Variants in B3GALT1 observed in about 807,000 individuals in gnomAD.
B3GALT1 encodes UDP-Gal:betaGlcNAc beta 1,3-galactosyltransferase, polypeptide 1.
B3GALT1 carries 10 observed loss-of-function variants against 23.2 expected under a neutral mutation model. The observed-to-expected ratio is 0.43, with a 90% CI of 0.27 to 0.73. The LOEUF (loss-of-function observed/expected upper bound fraction) is 0.73, where lower values mean the gene tolerates loss of function less well. B3GALT1 is among the 30% of genes least tolerant of loss of function. The pLI is 0.21. For missense variants in B3GALT1, 299 were observed against 405.4 expected (o/e 0.74, Z 2.25); for synonymous variants, 156 against 141.5 (o/e 1.10, Z -0.73).
At chr2:167,744,347 T>G (rs1278913825) in intron 3 of B3GALT1, among the ~76,000 whole-genome samples, 2 of 152,178 alleles carry the variant, frequency 1.3e-5, no homozygotes, top group Non-Finnish European at 2.9e-5. Flanking sequence ...CTATTTGTAG[T>G]GCTAGCAATT....
chr2:167,297,279 A>C (rs1696365893), intron 1 of B3GALT1, among the ~76,000 whole-genome samples: 1 of 152,100 alleles, frequency 6.6e-6, no homozygotes, highest in South Asian at 2.1e-4. Context: ...CTTCATTCAA[A>C]AGGGATGAGT....
At chr2:167,414,929 A>G (rs55637599) in intron 1 of B3GALT1, among the ~76,000 whole-genome samples, 5 of 152,332 alleles carry the variant, frequency 3.3e-5, no homozygotes, top group African/African-American at 7.2e-5. Flanking sequence ...ATATTTTTCA[A>G]ACTTAATGTA....
At chr2:167,344,290 A>G (rs2105250230) in intron 1 of B3GALT1, among the ~76,000 whole-genome samples, 1 of 152,256 alleles carries the variant, frequency 6.6e-6, no homozygotes, top group East Asian at 1.9e-4. Context: ...ACTCACCTTC[A>G]CTTCCAAAAG....
chr2:167,678,603 G>C (rs148525506), intron 3 of B3GALT1, among the ~76,000 whole-genome samples: 2 of 151,844 alleles, frequency 1.3e-5, no homozygotes, highest in East Asian at 3.9e-4. Flanking sequence ...TTTTTTCATG[G>C]GCTCAGTCCA....
At chr2:167,342,865 T>G (rs1022681857) in intron 1 of B3GALT1, among the ~76,000 whole-genome samples, 1 of 152,196 alleles carries the variant, frequency 6.6e-6, no homozygotes, top group African/African-American at 2.4e-5. Context: ...TTTACTGATA[T>G]CTTTTATTCT....
At chr2:167,648,463 C>T (rs995874479) in intron 3 of B3GALT1, among the ~76,000 whole-genome samples, 2 of 152,066 alleles carry the variant, frequency 1.3e-5, no homozygotes, top group Non-Finnish European at 2.9e-5. Flanking sequence ...CTACTCATCC[C>T]ATCTCTGTCC....
At chr2:167,556,440 A>G (rs539267684) in intron 2 of B3GALT1, among the ~76,000 whole-genome samples, 38 of 152,262 alleles carry the variant, frequency 2.5e-4, no homozygotes, top group African/African-American at 8.7e-4. Flanking sequence ...ATTGGCAAGC[A>G]TGCAAGCTAA....
intron 4 of B3GALT1, among the ~76,000 whole-genome samples, chr2:167,845,334 A>T (rs1041797477): frequency 2.0e-5 from 3 of 152,198 alleles, no homozygotes; most frequent in African/African-American, 7.2e-5. Flanking sequence ...ACCGTCACAG[A>T]GTCCATTGCA....
intron 3 of B3GALT1, among the ~76,000 whole-genome samples, chr2:167,767,997 T>C (rs972926229): frequency 1.3e-5 from 2 of 151,960 alleles, no homozygotes; most frequent in Non-Finnish European, 2.9e-5. Flanking sequence ...AGGAGATTGA[T>C]GTCCCAGCTC....
chr2:167,491,363 G>GTAC (rs2105342266), intron 2 of B3GALT1, among the ~76,000 whole-genome samples: 1 of 152,224 alleles, frequency 6.6e-6, no homozygotes, highest in African/African-American at 2.4e-5. Flanking sequence ...GCGAAACCAG[G>GTAC]GGTATCACCA....
At chr2:167,399,211 A>G (rs1698147480) in intron 1 of B3GALT1, among the ~76,000 whole-genome samples, 1 of 152,182 alleles carries the variant, frequency 6.6e-6, no homozygotes. Context: ...CAACAGGAGC[A>G]GTACATACCA....
rs1690387947 is a variant in B3GALT1 at position 167,873,406 on chromosome 2, C to T, written c.*3386C>T. 1 of 152,068 alleles carries T rather than the reference C, an allele frequency of 6.6e-6. No homozygotes were observed. The highest frequency in any genetic ancestry group is 1.5e-5 in the Non-Finnish European group (1 of 67,996). 9.4% of individuals were successfully genotyped at this position (152,068 alleles called of 1,614,324 possible). A position where few individuals can be genotyped will look rare whatever the true frequency, so the allele number is the denominator to read the frequency against. On this transcript the variant is annotated 3_prime_UTR_variant, in exon 5 of 5. Coordinates refer to ENST00000392690, the MANE Select transcript of B3GALT1 (RefSeq NM_020981.4). ...TTGGATTCAATTCAGAAGAATAAAACCCCTTTGCGTGACACGATATGGGGA... is the reference window on the plus strand; with the variant it reads ...TTGGATTCAATTCAGAAGAATAAAATCCCTTTGCGTGACACGATATGGGGA...
At chr2:167,294,198 G>GC (rs1234418728) in intron 1 of B3GALT1, among the ~76,000 whole-genome samples, 2 of 152,150 alleles carry the variant, frequency 1.3e-5, no homozygotes, top group African/African-American at 4.8e-5. Context: ...GCTTTGGCCC[G>GC]CTGACCTCCC....
intron 4 of B3GALT1, among the ~76,000 whole-genome samples, chr2:167,867,552 T>C (rs1261328613): frequency 1.3e-5 from 2 of 152,186 alleles, no homozygotes; most frequent in Non-Finnish European, 2.9e-5. Flanking sequence ...CAAGAAGATA[T>C]ATATTGTCTC....
intron 1 of B3GALT1, among the ~76,000 whole-genome samples, chr2:167,444,520 T>C (rs1367545455): frequency 6.6e-6 from 1 of 152,234 alleles, no homozygotes; most frequent in Non-Finnish European, 1.5e-5. Flanking sequence ...GTTGGTAGAC[T>C]ATTAATTATT....
chr2:167,492,477 T>C (rs984599790), intron 2 of B3GALT1, among the ~76,000 whole-genome samples: 1 of 152,162 alleles, frequency 6.6e-6, no homozygotes. Context: ...AGTTTTCAAC[T>C]CATTTAGGTA....
At chr2:167,506,872 T>C (rs1435849768) in intron 2 of B3GALT1, among the ~76,000 whole-genome samples, 1 of 152,168 alleles carries the variant, frequency 6.6e-6, no homozygotes, top group Admixed American at 6.5e-5. Context: ...AAACATCAAA[T>C]TTCATTGACT....
intron 2 of B3GALT1, among the ~76,000 whole-genome samples, chr2:167,492,877 A>AGGTG (rs1553521962): frequency 1.3e-5 from 2 of 149,090 alleles, no homozygotes; most frequent in African/African-American, 4.9e-5. Context: ...GTATTTAGAG[A>AGGTG]TGTGTGTGTG....
rs1256543624 is a variant in B3GALT1 at position 167,297,404 on chromosome 2, A to AAC, written c.-511+4071_-511+4072insCA. On this transcript the variant is annotated intron_variant, in intron 1 of 4. Coordinates refer to ENST00000392690, the MANE Select transcript of B3GALT1 (RefSeq NM_020981.4). ...CTCTGTAAAAACTGATTAAAAAAAA[A>AAC]AAACTAGGTTTTGAGGTCAAAGTTT... is the stretch of plus-strand genomic sequence containing the variant. Among the ~76,000 whole-genome samples, 6 of 152,006 alleles carry AAC rather than the reference A, an allele frequency of 3.9e-5. No homozygotes were observed. In the South Asian group the frequency reaches 6.2e-4, roughly 16 times the overall value.
Sources: gnomAD v4.1 joint callset for allele counts (sites outside exome capture counted in the v4.1 genomes callset) on GRCh38, gnomAD v4.1.1 for gene constraint, MANE v1.5 for transcripts, NCBI Gene and HGNC (gene_info 2026-07-23, HGNC 2026-07-21) for gene names.